Variants in WAPL observed in about 807,000 individuals in gnomAD.
WAPL encodes the protein wings apart-like protein homolog.
In WAPL, 5 loss-of-function variants were observed where a neutral mutation model predicts 121.0. That is an observed-to-expected ratio of 0.04 (90% CI 0.02 to 0.09). The LOEUF is 0.09. Ranked by LOEUF, WAPL falls within the 10% of genes least tolerant of loss-of-function variation. The pLI, the probability that WAPL is intolerant of heterozygous loss-of-function variation, is 1.00. For synonymous variants in WAPL, 480 were observed against 481.5 expected, an observed-to-expected ratio of 1.00 and a Z score of 0.04; for missense variants, 999 against 1,410.8, an observed-to-expected ratio of 0.71 and a Z score of 4.68.
chr10:86,445,009 C>T (rs1168824826), intron 16 of WAPL, among the ~76,000 whole-genome samples: 1 of 149,946 alleles, frequency 6.7e-6, no homozygotes, highest in African/African-American at 2.5e-5. Context: ...GTGGGAGTAA[C>T]AGGAGAAAAG....
At chr10:86,471,953 ATTT>A (rs34017842) in intron 7 of WAPL, among the ~76,000 whole-genome samples, 110 of 147,826 alleles carry the variant, frequency 7.4e-4, no homozygotes, top group African/African-American at 2.5e-3. Flanking sequence ...CTTTAGCGTA[ATTT>A]TTTTTTTTTT....
chr10:86,474,602 G>A (rs960695613), intron 4 of WAPL, among the ~76,000 whole-genome samples: 2 of 151,408 alleles, frequency 1.3e-5, no homozygotes, highest in African/African-American at 4.9e-5. Flanking sequence ...GATGGCTCAT[G>A]CCTGTAATCC....
chr10:86,455,860 G>A lies in WAPL; in HGVS notation c.2658-2029C>T, dbSNP rs1478234559. On this transcript the variant is annotated intron_variant, in intron 12 of 18. Transcript: ENST00000298767. ...ATCTAGATCAGGGACAAATGGAAAAGAAGGCGATATTACTGCATTAGGTTC... is the reference window on the plus strand; with the variant it reads ...ATCTAGATCAGGGACAAATGGAAAAAAAGGCGATATTACTGCATTAGGTTC... Among the ~76,000 whole-genome samples the A allele has an allele frequency of 4.6e-5, 7 of 152,110 alleles. No homozygotes were observed. In the East Asian group the frequency reaches 7.7e-4, roughly 17 times the overall value.
intron 1 of WAPL, among the ~76,000 whole-genome samples, chr10:86,518,559 T>G (rs1842605633): frequency 6.6e-6 from 1 of 152,084 alleles, no homozygotes; most frequent in Non-Finnish European, 1.5e-5. Flanking sequence ...AATACAAAAA[T>G]TAGCTGGGAG....
chr10:86,500,321 C>A lies in WAPL; in HGVS notation c.922G>T (p.Ala308Ser), dbSNP rs761071575. ...RANKTKSSQG[A>S]SNFDKLMDGT... Reference sequence around the variant, plus strand: ...TCCATCAGCTTATCAAAATTTGATGCTCCTTGGGAGGATTTCGTTTTATTG... The same window carrying A: ...TCCATCAGCTTATCAAAATTTGATGATCCTTGGGAGGATTTCGTTTTATTG... Residue 308 changes from alanine to serine, a missense_variant, in exon 3 of 19, where the codon GCA becomes TCA. Coordinates refer to ENST00000298767, the MANE Select transcript of WAPL (RefSeq NM_015045.5). The A allele has an allele frequency of 3.7e-6, 6 of 1,614,098 alleles. No homozygotes were observed. Among genetic ancestry groups the A allele is most frequent in the Non-Finnish European group, 5.1e-6 (6 of 1,180,042 alleles).
At chr10:86,447,853 T>C (rs58754268) in intron 15 of WAPL, among the ~76,000 whole-genome samples, 17,752 of 151,916 alleles carry the variant, frequency 0.12, 1,215 homozygotes, top group Middle Eastern at 0.17. Context: ...AGTTGGCGAC[T>C]AGCCCGGCAA....
chr10:86,435,518 T>G lies in WAPL; in HGVS notation c.*2025A>C, dbSNP rs1005123243. On this transcript the variant is annotated 3_prime_UTR_variant, in exon 19 of 19. Transcript: ENST00000298767. ...AACTTTTAGTTAAGTCAGCCTCAAG[T>G]ACCCTAAAATGCAGAGTTCTCTGAG... 1.3e-5 allele frequency: 2 copies of G among 152,632 alleles called. No individual in the cohort carries two copies. The highest frequency in any genetic ancestry group is 4.8e-5 in the African/African-American group (2 of 41,454). 9.5% of individuals were successfully genotyped at this position (152,632 alleles called of 1,614,324 possible).
chr10:86,487,330 C>A lies in WAPL; in HGVS notation c.1644+9871G>T, dbSNP rs1010250051. Among the ~76,000 whole-genome samples, 3 of 152,004 alleles carry A rather than the reference C, an allele frequency of 2.0e-5. No homozygotes were observed. In the South Asian group the frequency reaches 6.2e-4, roughly 32 times the overall value. On this transcript the variant is annotated intron_variant, in intron 4 of 18. Transcript: ENST00000298767. ...GGATGACATTTCATGAACGAAAGTACCAAGAACTGCTCAATGATCAAAACC... is the reference window on the plus strand; with the variant it reads ...GGATGACATTTCATGAACGAAAGTAACAAGAACTGCTCAATGATCAAAACC...
At chr10:86,518,455 G>A (rs1228801392) in intron 1 of WAPL, among the ~76,000 whole-genome samples, 1 of 152,124 alleles carries the variant, frequency 6.6e-6, no homozygotes, top group Non-Finnish European at 1.5e-5. Flanking sequence ...AAAATTATCT[G>A]TATAGAGGCT....
chr10:86,481,407 C>T (rs1841782077), intron 4 of WAPL, among the ~76,000 whole-genome samples: 1 of 151,960 alleles, frequency 6.6e-6, no homozygotes, highest in African/African-American at 2.4e-5. Flanking sequence ...GCGTTTCGCT[C>T]TTGTTGCCCA....
At chr10:86,486,609 G>A (rs1179304282) in intron 4 of WAPL, among the ~76,000 whole-genome samples, 1 of 152,136 alleles carries the variant, frequency 6.6e-6, no homozygotes, top group East Asian at 1.9e-4. Context: ...TAAAGAGTTA[G>A]ACAAAAGATA....
intron 4 of WAPL, among the ~76,000 whole-genome samples, 176 bp from the exon 5 acceptor site, chr10:86,474,149 T>C (rs1373364864): frequency 6.6e-6 from 1 of 152,212 alleles, no homozygotes; most frequent in East Asian, 1.9e-4. Flanking sequence ...ATAATCACTG[T>C]AGTACTAGGT....
rs1418446349 is a variant in WAPL, at chr10:86,472,103, C to T, written c.2030+105G>A. ...ACATATCACTGGCTATACATACTACCCCATCATAACAAAATAAAAAATGTT... is the reference window on the plus strand; with the variant it reads ...ACATATCACTGGCTATACATACTACTCCATCATAACAAAATAAAAAATGTT... On this transcript the variant is annotated intron_variant, in intron 7 of 18. Transcript: ENST00000298767. The surrounding 1 kb of genome is among the most constrained non-coding windows in gnomAD (Gnocchi z 4.2). 1.5e-5 allele frequency: 16 copies of T among 1,049,920 alleles called. No homozygotes were observed. Among genetic ancestry groups the T allele is most frequent in the Non-Finnish European group, 2.0e-5 (15 of 746,994 alleles). The allele number at this position is 1,049,920 out of a possible 1,614,324, so 65.0% of individuals were successfully genotyped here.
At chr10:86,502,252 T>C (rs1194665920) in intron 2 of WAPL, among the ~76,000 whole-genome samples, 2 of 152,176 alleles carry the variant, frequency 1.3e-5, no homozygotes, top group African/African-American at 4.8e-5. Context: ...CTGAATACTA[T>C]GCAGTTGTTA....
chr10:86,506,217 A>G (rs1428788448), intron 2 of WAPL, among the ~76,000 whole-genome samples: 1 of 152,222 alleles, frequency 6.6e-6, no homozygotes, highest in East Asian at 1.9e-4. Context: ...TCTGGGCAAC[A>G]GAGCGAGACC....
chr10:86,467,788 T>C (rs1841434099), intron 8 of WAPL, among the ~76,000 whole-genome samples: 1 of 151,818 alleles, frequency 6.6e-6, no homozygotes, highest in South Asian at 2.1e-4. Flanking sequence ...GCGATTCTCC[T>C]GCCTCAGCCT....
intron 17 of WAPL, among the ~76,000 whole-genome samples, chr10:86,443,060 C>A (rs202037599): frequency 0.052 from 6,375 of 123,200 alleles, 195 homozygotes; most frequent in South Asian, 0.12. Context: ...AAAAAAAAAA[C>A]TACTGGAAAT....
intron 4 of WAPL, among the ~76,000 whole-genome samples, chr10:86,476,389 G>A (rs1394458444): frequency 1.4e-5 from 2 of 146,808 alleles, no homozygotes; most frequent in African/African-American, 2.5e-5. Context: ...CTGTAAGAGT[G>A]CCTGAAAGAA....
In WAPL at chr10:86,486,049, T is replaced by A. The variant is rs551544070; in HGVS notation, c.1644+11152A>T. On this transcript the variant is annotated intron_variant, in intron 4 of 18. Transcript: ENST00000298767. ...TATTAACTTCCACACTTTTGCCAGT[T>A]TCCCTCATCACCAATCCAATTGCTA... 3.3e-5 allele frequency among the ~76,000 whole-genome samples: 5 copies of A among 152,326 alleles called. No homozygotes were observed. The South Asian group carries it at 1.0e-3, about 32-fold the overall frequency.
Sources: gnomAD v4.1 joint callset for allele counts (sites outside exome capture counted in the v4.1 genomes callset) on GRCh38, gnomAD v4.1.1 for gene constraint, Gnocchi (gnomAD v3.1) non-coding constraint, MANE v1.5 for transcripts, NCBI Gene and HGNC (gene_info 2026-07-23, HGNC 2026-07-21) for gene names.